KSR2: variants seen among roughly 807,000 people sequenced by gnomAD.
KSR2 encodes the protein kinase suppressor of ras 2.
KSR2 carries 25 observed loss-of-function variants against 107.8 expected under a neutral mutation model. The observed-to-expected ratio is 0.23, with a 90% CI of 0.17 to 0.32. The LOEUF (loss-of-function observed/expected upper bound fraction) is 0.32. Among genes scored for constraint, KSR2 ranks in the 10% least tolerant of loss-of-function variants. The probability of loss-of-function intolerance (pLI) is 1.00; values close to 1 mark genes in which losing one functional copy is unlikely to be tolerated. For synonymous variants in KSR2, 480 were observed against 507.0 expected (o/e 0.95, Z 0.71); for missense variants, 887 against 1,268.9 (o/e 0.70, Z 4.57).
intron 3 of KSR2, 33 bp from the exon 4 acceptor site, chr12:117,761,557 T>TAAGC: frequency 6.2e-7 from 1 of 1,610,704 alleles, no homozygotes; most frequent in Non-Finnish European, 8.5e-7. Flanking sequence ...AGACAATGGG[T>TAAGC]AAGCCATGAG....
At chr12:117,581,272 C>T (rs958652897) in intron 6 of KSR2, among the ~76,000 whole-genome samples, 2 of 152,142 alleles carry the variant, frequency 1.3e-5, no homozygotes, top group Non-Finnish European at 2.9e-5. Flanking sequence ...CTTGTCACCC[C>T]GATCTCTCCA....
chr12:117,474,296 T>G (rs1871643615), intron 17 of KSR2, among the ~76,000 whole-genome samples: 1 of 152,224 alleles, frequency 6.6e-6, no homozygotes, highest in Admixed American at 6.5e-5. Context: ...TTATTGCAAT[T>G]TGGTTTCAGA....
intron 19 of KSR2, among the ~76,000 whole-genome samples, chr12:117,468,696 G>C (rs1592900791): frequency 6.6e-6 from 1 of 152,142 alleles, no homozygotes; most frequent in Admixed American, 6.5e-5. Flanking sequence ...GGCAGTGCAA[G>C]TGTGTATATA....
chr12:117,663,104 G>A (rs1396909807), intron 5 of KSR2, among the ~76,000 whole-genome samples: 1 of 152,158 alleles, frequency 6.6e-6, no homozygotes, highest in Admixed American at 6.5e-5. Flanking sequence ...TTTGAGCAAG[G>A]CTGTCACCCA....
At chr12:117,571,489 G>A (rs1198063757) in intron 7 of KSR2, among the ~76,000 whole-genome samples, 5 of 152,136 alleles carry the variant, frequency 3.3e-5, no homozygotes. Flanking sequence ...AGGGGGAGGG[G>A]CTTAGTCTCA....
chr12:117,774,549 C>G lies in KSR2; in HGVS notation c.473-13025G>C, dbSNP rs577168308. ...TCTGACCCCGTAATGCCTCCCACGTCCTGCTCTATGAGATTCATGATTTTA... is the reference window on the plus strand; with the variant it reads ...TCTGACCCCGTAATGCCTCCCACGTGCTGCTCTATGAGATTCATGATTTTA... On this transcript the variant is annotated intron_variant, in intron 3 of 19. Transcript: ENST00000339824. Among the ~76,000 whole-genome samples the G allele has an allele frequency of 5.9e-5, 9 of 152,266 alleles. No individual in the cohort carries two copies. In the East Asian group the frequency reaches 1.5e-3, roughly 26 times the overall value.
At chr12:117,965,061 C>A (rs1446083838) in intron 1 of KSR2, among the ~76,000 whole-genome samples, 1 of 152,214 alleles carries the variant, frequency 6.6e-6, no homozygotes, top group Non-Finnish European at 1.5e-5. Flanking sequence ...ACTTCCCGGG[C>A]TCCCTTGCAG....
intron 7 of KSR2, among the ~76,000 whole-genome samples, chr12:117,567,811 C>T (rs182768179): frequency 6.2e-5 from 9 of 144,056 alleles, no homozygotes; most frequent in East Asian, 2.0e-4. Context: ...TGACTCCGTA[C>T]GCTCCAAGTG....
intron 5 of KSR2, among the ~76,000 whole-genome samples, chr12:117,583,567 C>G (rs1031840183): frequency 3.9e-5 from 6 of 152,064 alleles, no homozygotes; most frequent in East Asian, 1.9e-4. Flanking sequence ...AGATGAGATG[C>G]CTGTCCCCAT....
At chr12:117,769,284 T>C (rs1889353287) in intron 3 of KSR2, among the ~76,000 whole-genome samples, 1 of 152,032 alleles carries the variant, frequency 6.6e-6, no homozygotes, top group South Asian at 2.1e-4. Flanking sequence ...TCCTCTCCCA[T>C]CTGATCTCTG....
intron 4 of KSR2, among the ~76,000 whole-genome samples, chr12:117,739,611 T>C (rs995191142): frequency 6.6e-6 from 1 of 152,218 alleles, no homozygotes; most frequent in African/African-American, 2.4e-5. Context: ...CATTCATTCA[T>C]TCAACAAACA....
intron 7 of KSR2, among the ~76,000 whole-genome samples, chr12:117,577,815 G>A (rs1879378933): frequency 6.6e-6 from 1 of 152,162 alleles, no homozygotes; most frequent in South Asian, 2.1e-4. Context: ...GGGAATAGTG[G>A]GAGCTGCAAT....
intron 1 of KSR2, among the ~76,000 whole-genome samples, chr12:117,869,757 T>G (rs1251164226): frequency 6.6e-6 from 1 of 152,236 alleles, no homozygotes; most frequent in Non-Finnish European, 1.5e-5. Context: ...AAGCCCATGA[T>G]GTGAGCAGTT....
chr12:117,686,263 G>C (rs1024228298), intron 4 of KSR2, among the ~76,000 whole-genome samples: 1 of 121,366 alleles, frequency 8.2e-6, no homozygotes, highest in African/African-American at 3.3e-5. Context: ...ATGAGGTCTT[G>C]CTATGTTGCC....
chr12:117,710,770 G>C (rs1244687705), intron 4 of KSR2, among the ~76,000 whole-genome samples: 1 of 152,160 alleles, frequency 6.6e-6, no homozygotes, highest in Non-Finnish European at 1.5e-5. Flanking sequence ...TCATGATGGT[G>C]ATATTTTTTT....
intron 1 of KSR2, among the ~76,000 whole-genome samples, chr12:117,877,716 C>T (rs953394279): frequency 1.3e-5 from 2 of 152,090 alleles, no homozygotes; most frequent in African/African-American, 4.8e-5. Context: ...GGAGGCTGCC[C>T]CCAAGCCTGT....
chr12:117,945,601 G>A (rs1257594334), intron 1 of KSR2, among the ~76,000 whole-genome samples: 1 of 152,172 alleles, frequency 6.6e-6, no homozygotes, highest in Non-Finnish European at 1.5e-5. Flanking sequence ...TTGAACCTCG[G>A]AGGTAGAGGT....
chr12:117,476,616 A>T, intron 16 of KSR2, 21 bp from the exon 17 acceptor site: 2 of 1,603,468 alleles, frequency 1.2e-6, no homozygotes, highest in Non-Finnish European at 1.7e-6. Context: ...AAAGCACAGG[A>T]TGAGCTCTGT....
At chr12:117,491,361 G>A (rs2137155935) in intron 14 of KSR2, among the ~76,000 whole-genome samples, 1 of 152,050 alleles carries the variant, frequency 6.6e-6, no homozygotes, top group African/African-American at 2.4e-5. Context: ...TATATTTTTA[G>A]TAGAGATGGG....
Sources: gnomAD v4.1 joint callset for allele counts (sites outside exome capture counted in the v4.1 genomes callset) on GRCh38, gnomAD v4.1.1 for gene constraint, MANE v1.5 for transcripts, NCBI Gene and HGNC (gene_info 2026-07-23, HGNC 2026-07-21) for gene names.